MAP2K5: variants seen among roughly 807,000 people sequenced by gnomAD.
MAP2K5 encodes mitogen-activated protein kinase kinase 5.
MAP2K5 carries 49 observed loss-of-function variants against 83.1 expected under a neutral mutation model. The observed-to-expected ratio is 0.59, with a 90% CI of 0.47 to 0.75. The LOEUF (loss-of-function observed/expected upper bound fraction) is 0.75. MAP2K5 is among the 30% of genes least tolerant of loss of function. The probability of loss-of-function intolerance (pLI) is 0.00; values close to 1 mark genes in which losing one functional copy is unlikely to be tolerated. For missense variants in MAP2K5, 457 were observed against 557.5 expected (o/e 0.82, Z 1.82); for synonymous variants, 202 against 191.8 (o/e 1.05, Z -0.44).
intron 13 of MAP2K5, among the ~76,000 whole-genome samples, chr15:67,667,792 A>C (rs1596757027): frequency 6.6e-6 from 1 of 152,184 alleles, no homozygotes; most frequent in African/African-American, 2.4e-5. Context: ...ACGGTGGTCC[A>C]GATTTTAGCT....
chr15:67,772,996 A>C (rs185615174), intron 21 of MAP2K5, among the ~76,000 whole-genome samples: 17 of 152,342 alleles, frequency 1.1e-4, no homozygotes, highest in Admixed American at 7.8e-4. Context: ...CAAGGGTCAC[A>C]AACTTAATGT....
chr15:67,568,910 G>C (rs2140974574), intron 3 of MAP2K5, among the ~76,000 whole-genome samples: 1 of 151,220 alleles, frequency 6.6e-6, no homozygotes, highest in South Asian at 2.1e-4. Context: ...GGAGGCTGAG[G>C]CAGGAGAATT....
At chr15:67,566,505 A>G (rs1033913824) in intron 3 of MAP2K5, among the ~76,000 whole-genome samples, 2 of 152,312 alleles carry the variant, frequency 1.3e-5, no homozygotes, top group Non-Finnish European at 1.5e-5. Flanking sequence ...TATAGAATTC[A>G]GTACACCTGT....
At position 67,769,563 on chromosome 15, in the gene MAP2K5, T is replaced by C. The variant is rs917661508; in HGVS notation, c.1135-39T>C. 1 of 1,594,582 alleles carries C rather than the reference T, an allele frequency of 6.3e-7. No individual in the cohort carries two copies. Among genetic ancestry groups the C allele is most frequent in the African/African-American group, 1.3e-5 (1 of 74,496 alleles). ...GGGAATATAAAGAAAGAGAAGGAAC[T>C]GTTGTGACTTTTGGTGACATGTTTT... is the stretch of plus-strand genomic sequence containing the variant. On this transcript the variant is annotated intron_variant, in intron 19 of 21. Transcript: ENST00000178640. The surrounding 1 kb of genome is among the most constrained non-coding windows in gnomAD (Gnocchi z 5.2).
chr15:67,652,477 T>G lies in MAP2K5; in HGVS notation c.736+6008T>G, dbSNP rs1404703215. 6.6e-6 allele frequency among the ~76,000 whole-genome samples: 1 copy of G among 152,154 alleles called. No individual in the cohort carries two copies. Among genetic ancestry groups the G allele is most frequent in the East Asian group, 1.9e-4 (1 of 5,198 alleles). ...GAGAGGAGGGAGGTCCCAGACACTT[T>G]TTAACAACCAAATCTTGCAGGAACT... On this transcript the variant is annotated intron_variant, in intron 11 of 21. Transcript: ENST00000178640. The surrounding 1 kb of genome is among the most constrained non-coding windows in gnomAD (Gnocchi z 4.2).
intron 17 of MAP2K5, among the ~76,000 whole-genome samples, chr15:67,740,979 G>A (rs1389395783): frequency 1.4e-5 from 2 of 147,036 alleles, no homozygotes; most frequent in East Asian, 2.0e-4. Context: ...AGTGAGCTGA[G>A]ATCGTGCCAC....
At chr15:67,705,525 A>G (rs12441975) in intron 16 of MAP2K5, among the ~76,000 whole-genome samples, 127,672 of 152,076 alleles carry the variant, frequency 0.84, 53,670 homozygotes, top group Admixed American at 0.88. Context: ...ACCTGAAGTC[A>G]GGAGTTCGAG....
chr15:67,767,332 C>T (rs555871010), intron 19 of MAP2K5, among the ~76,000 whole-genome samples: 1 of 152,130 alleles, frequency 6.6e-6, no homozygotes, highest in African/African-American at 2.4e-5. Context: ...ATGTTTTATA[C>T]CAGATCTTTA....
At chr15:67,647,271 A>G (rs760947044) in intron 11 of MAP2K5, among the ~76,000 whole-genome samples, 4 of 152,344 alleles carry the variant, frequency 2.6e-5, no homozygotes, top group Non-Finnish European at 4.4e-5. Context: ...TAAGGTGTAC[A>G]ACATGCTCTA....
chr15:67,773,521 A>T (rs2090180732), intron 21 of MAP2K5, among the ~76,000 whole-genome samples: 1 of 152,210 alleles, frequency 6.6e-6, no homozygotes, highest in African/African-American at 2.4e-5. Context: ...TTTAAACAAT[A>T]TGCATTTTAC....
rs939437505 is a variant in MAP2K5, at chr15:67,722,255, C to G, written c.1045-5661C>G. ...TTATACATTAAAAATTGAAGCTTTCCTCACTCTGAGGCCTTTCAAGGCTTT... is the reference window on the plus strand; with the variant it reads ...TTATACATTAAAAATTGAAGCTTTCGTCACTCTGAGGCCTTTCAAGGCTTT... On this transcript the variant is annotated intron_variant, in intron 16 of 21. Coordinates refer to ENST00000178640, the MANE Select transcript of MAP2K5 (RefSeq NM_145160.3). This position sits in a 1 kb window ranked among gnomAD's most constrained non-coding sequence, Gnocchi z 4.2. 1.3e-5 allele frequency among the ~76,000 whole-genome samples: 2 copies of G among 152,174 alleles called. No individual in the cohort carries two copies. Among genetic ancestry groups the G allele is most frequent in the Non-Finnish European group, 2.9e-5 (2 of 68,036 alleles).
intron 15 of MAP2K5, among the ~76,000 whole-genome samples, chr15:67,694,266 C>T (rs556350240): frequency 6.6e-6 from 1 of 151,974 alleles, no homozygotes; most frequent in Admixed American, 6.6e-5. Flanking sequence ...AAAAATTAAA[C>T]AGGAAACTTA....
chr15:67,762,117 G>A (rs1342192705), intron 19 of MAP2K5, among the ~76,000 whole-genome samples: 2 of 152,216 alleles, frequency 1.3e-5, no homozygotes, highest in African/African-American at 4.8e-5. Context: ...GGATGTCAGT[G>A]GTCATGCTTG....
At chr15:67,683,892 TTAGACA>T (rs527563231) in intron 13 of MAP2K5, among the ~76,000 whole-genome samples, 121 of 152,262 alleles carry the variant, frequency 7.9e-4, no homozygotes, top group African/African-American at 2.8e-3. Flanking sequence ...TCTTCAAACT[TTAGACA>T]ACAGGCAATG....
In MAP2K5 at chr15:67,543,306, AC is replaced by A. The variant is rs763611982; in HGVS notation, c.-26del. 7 of 1,613,294 alleles carry A rather than the reference AC, an allele frequency of 4.3e-6. 1 individual carries two copies. In the South Asian group the frequency reaches 7.7e-5, roughly 18 times the overall value. ...AACCAGCGGCCAGTGGGTTTCCCAT[AC>A]CCCAGGATGTGAGCCTCTTTAACCT... On this transcript the variant is annotated 5_prime_UTR_variant, in exon 1 of 22. Transcript: ENST00000178640. This position sits in a 1 kb window ranked among gnomAD's most constrained non-coding sequence, Gnocchi z 4.3.
At position 67,559,877 on chromosome 15, in the gene MAP2K5, G is replaced by A. The variant is rs1398509966; in HGVS notation, c.185-3406G>A. ...GCAAAGAACCTCCATGTATAAGATA[G>A]AAAAAGCTCAAATTATTTTCTTGCT... On this transcript the variant is annotated intron_variant, in intron 2 of 21. Transcript: ENST00000178640. This position sits in a 1 kb window ranked among gnomAD's most constrained non-coding sequence, Gnocchi z 4.7. Among the ~76,000 whole-genome samples the A allele has an allele frequency of 2.0e-5, 3 of 152,146 alleles. No individual in the cohort carries two copies. The highest frequency in any genetic ancestry group is 4.4e-5 in the Non-Finnish European group (3 of 68,036).
intron 3 of MAP2K5, among the ~76,000 whole-genome samples, chr15:67,568,863 G>T (rs747099608): frequency 6.6e-6 from 1 of 151,702 alleles, no homozygotes; most frequent in African/African-American, 2.4e-5. Flanking sequence ...AAAATTAGCC[G>T]GGCGTGGTGG....
intron 13 of MAP2K5, among the ~76,000 whole-genome samples, chr15:67,688,174 G>A (rs984029122): frequency 6.6e-6 from 1 of 152,230 alleles, no homozygotes; most frequent in Non-Finnish European, 1.5e-5. Flanking sequence ...TACCTGGCAG[G>A]TAGGCCAGTG....
intron 8 of MAP2K5, among the ~76,000 whole-genome samples, chr15:67,607,192 A>C (rs1003281052): frequency 1.3e-5 from 2 of 152,248 alleles, no homozygotes; most frequent in African/African-American, 4.8e-5. Context: ...ATTTTAAAGA[A>C]GCAAACAAGA....
Sources: allele counts gnomAD v4.1 joint callset (sites outside exome capture counted in the v4.1 genomes callset), GRCh38; gene constraint gnomAD v4.1.1; non-coding constraint Gnocchi (gnomAD v3.1); transcripts MANE v1.5; gene names NCBI Gene and HGNC (gene_info 2026-07-23, HGNC 2026-07-21).